PCDHA8: variants seen among roughly 807,000 people sequenced by gnomAD.
The protein encoded by PCDHA8 is protocadherin alpha 8.
A neutral mutation model predicts 61.8 loss-of-function variants in PCDHA8; 53 were observed. That is an observed-to-expected ratio of 0.86 (90% confidence interval 0.69 to 1.08). The LOEUF is 1.08. Ranked by LOEUF, PCDHA8 falls within the 50% of genes least tolerant of loss-of-function variation. PCDHA8 has a pLI of 0.00. For synonymous variants in PCDHA8, 618 were observed against 556.6 expected (o/e 1.11, Z -1.55); for missense variants, 1,293 against 1,245.0 (o/e 1.04, Z -0.58).
intron 1 of PCDHA8, among the ~76,000 whole-genome samples, chr5:140,845,707 A>G (rs2150380649): frequency 6.7e-6 from 1 of 149,734 alleles, no homozygotes; most frequent in African/African-American, 2.4e-5. Context: ...TTGGCATTAT[A>G]TGTATGCATG....
intron 1 of PCDHA8, chr5:140,926,824 A>T: frequency 1.3e-6 from 2 of 1,496,944 alleles, no homozygotes; most frequent in Non-Finnish European, 1.8e-6. Context: ...GCTCTCCAGG[A>T]GTCCGGAGCA....
Position 140,978,933 on chromosome 5 carries a change from CTT to C in PCDHA8, c.2395-14_2395-13del, listed in dbSNP as rs1179085898. On this transcript the variant is annotated splice_polypyrimidine_tract_variant and intron_variant, in intron 1 of 3. Coordinates refer to ENST00000531613, the MANE Select transcript of PCDHA8 (RefSeq NM_018911.3). The stretch of plus-strand genomic sequence containing the variant: ...TCTTGTCATTTTAACAGAAAACTCT[CTT>C]TGTGATTTTGCAGCCACGACAGCCC... 1.2e-6 allele frequency: 2 copies of C among 1,613,976 alleles called. No individual in the cohort carries two copies. The highest frequency in any genetic ancestry group is 2.7e-5 in the African/African-American group (2 of 74,920).
chr5:141,003,453 A>T (rs2098125483), intron 3 of PCDHA8, among the ~76,000 whole-genome samples: 1 of 152,126 alleles, frequency 6.6e-6, no homozygotes, highest in East Asian at 1.9e-4. Flanking sequence ...ATGAAATTAC[A>T]GGCGTGCACC....
chr5:140,878,079 T>C (rs1453461494), intron 1 of PCDHA8: 1 of 346,026 alleles, frequency 2.9e-6, no homozygotes, highest in Non-Finnish European at 4.9e-6. Context: ...TTTTCTATAA[T>C]ATTTTATATG....
rs1554138258 is a variant in PCDHA8 at position 140,841,498 on chromosome 5, G to C, written c.177G>C (p.Leu59=). ...ACCTGGGGCTGGAGCTGGCGGAGCT[G>C]GTGCCGCGCCTGTTCCGGGTGGCGT... is the stretch of plus-strand genomic sequence containing the variant. ...AQDLGLELAE[L]VPRLFRVASK... is the part of the protein sequence containing the mutation. The change falls in exon 1 of 4, where the codon CTG becomes CTC. Residue 59 remains leucine (L), a synonymous_variant. Coordinates refer to ENST00000531613, the MANE Select transcript of PCDHA8 (RefSeq NM_018911.3). 5 of 1,613,284 alleles carry C rather than the reference G, an allele frequency of 3.1e-6. No individual in the cohort carries two copies. The Admixed American group carries it at 6.7e-5, about 22-fold the overall frequency.
chr5:140,992,116 T>A (rs1279382326), intron 3 of PCDHA8, among the ~76,000 whole-genome samples: 1 of 151,688 alleles, frequency 6.6e-6, no homozygotes, highest in Non-Finnish European at 1.5e-5. Context: ...AGATGTGTCA[T>A]GGAAGAACAG....
At chr5:141,008,568 T>C (rs1430525508) in intron 3 of PCDHA8, among the ~76,000 whole-genome samples, 2 of 152,220 alleles carry the variant, frequency 1.3e-5, no homozygotes, top group African/African-American at 4.8e-5. Flanking sequence ...GCATAATCAT[T>C]TTCCCAAGAC....
intron 3 of PCDHA8, among the ~76,000 whole-genome samples, chr5:141,003,288 T>C (rs2098118136): frequency 2.0e-5 from 3 of 152,182 alleles, no homozygotes; most frequent in African/African-American, 7.2e-5. Context: ...AATTGGATTA[T>C]AGGATTACAT....
intron 1 of PCDHA8, chr5:140,854,391 A>C (rs251359): frequency 0.5 from 77,721 of 154,576 alleles, 22,387 homozygotes; most frequent in South Asian, 0.62. Flanking sequence ...TTACATTTTA[A>C]TTCAGGGTTT....
intron 1 of PCDHA8, among the ~76,000 whole-genome samples, chr5:140,914,725 T>C (rs1317424827): frequency 6.6e-6 from 1 of 152,164 alleles, no homozygotes; most frequent in African/African-American, 2.4e-5. Flanking sequence ...TTATTTTTTG[T>C]GTATCCATTG....
At chr5:140,924,894 CAAAAAA>C (rs782133089) in intron 1 of PCDHA8, among the ~76,000 whole-genome samples, 79 of 71,496 alleles carry the variant, frequency 1.1e-3, no homozygotes, top group African/African-American at 2.7e-3. Flanking sequence ...GAACCTGTCT[CAAAAAA>C]AAAAATAAAA....
intron 1 of PCDHA8, among the ~76,000 whole-genome samples, chr5:140,914,270 ATATATT>A (rs1554196274): frequency 6.6e-6 from 1 of 152,146 alleles, no homozygotes; most frequent in Non-Finnish European, 1.5e-5. Context: ...GTGGGTGCAT[ATATATT>A]TATAATTGTT....
intron 1 of PCDHA8, among the ~76,000 whole-genome samples, chr5:140,909,441 C>A (rs971678951): frequency 2.6e-5 from 4 of 152,214 alleles, no homozygotes; most frequent in African/African-American, 9.7e-5. Flanking sequence ...AATCCACTGT[C>A]ATTCTCCAAG....
intron 1 of PCDHA8, chr5:140,881,495 T>C (rs2058735247): frequency 3.5e-6 from 1 of 288,914 alleles, no homozygotes; most frequent in Non-Finnish European, 5.2e-6. Flanking sequence ...TTTATGCACA[T>C]ACACACACTC....
chr5:140,898,035 TG>T (rs1376690690), intron 1 of PCDHA8, among the ~76,000 whole-genome samples: 1 of 152,120 alleles, frequency 6.6e-6, no homozygotes, highest in Non-Finnish European at 1.5e-5. Flanking sequence ...TTGATGGGGT[TG>T]TTTGTTTTTT....
intron 3 of PCDHA8, among the ~76,000 whole-genome samples, chr5:140,983,328 T>G (rs1214241110): frequency 6.6e-6 from 1 of 152,218 alleles, no homozygotes; most frequent in East Asian, 1.9e-4. Flanking sequence ...ATTCTTGCCC[T>G]ATCACTAAAG....
intron 1 of PCDHA8, 53 bp from the exon 2 acceptor site, chr5:140,978,895 TG>T: frequency 6.2e-7 from 1 of 1,612,992 alleles, no homozygotes; most frequent in Non-Finnish European, 8.5e-7. Context: ...GCAGCATTCC[TG>T]GGAGAACATT....
At chr5:140,862,594 A>T (rs2047439169) in intron 1 of PCDHA8, 2 of 509,414 alleles carry the variant, frequency 3.9e-6, no homozygotes, top group Non-Finnish European at 8.0e-6. Context: ...GCCCGAGTAC[A>T]TGGTGTTCGT....
At chr5:140,970,815 A>G (rs782758365) in intron 1 of PCDHA8, among the ~76,000 whole-genome samples, 2 of 152,114 alleles carry the variant, frequency 1.3e-5, no homozygotes, top group Non-Finnish European at 2.9e-5. Flanking sequence ...TTTCAAGTTC[A>G]TGGTAATCTT....
Sources: gnomAD v4.1 joint callset for allele counts (sites outside exome capture counted in the v4.1 genomes callset) on GRCh38, gnomAD v4.1.1 for gene constraint, MANE v1.5 for transcripts, NCBI Gene and HGNC (gene_info 2026-07-23, HGNC 2026-07-21) for gene names.